WIPF1: variants seen among roughly 807,000 people sequenced by gnomAD.
WIPF1 encodes WAS/WASL interacting protein family member 1.
WIPF1 carries 13 observed loss-of-function variants against 35.4 expected under a neutral mutation model. The ratio of observed to expected loss-of-function variants is 0.37; its 90% CI spans 0.24 to 0.58. The LOEUF is 0.58. Ranked by LOEUF, WIPF1 falls within the 20% of genes least tolerant of loss-of-function variation. WIPF1 has a pLI of 0.74. For missense variants in WIPF1, 591 were observed against 667.0 expected (o/e 0.89, Z 1.25); for synonymous variants, 267 against 266.3 (o/e 1.00, Z -0.02).
intron 1 of WIPF1, among the ~76,000 whole-genome samples, chr2:174,681,272 T>C (rs1310208120): frequency 3.9e-5 from 6 of 152,130 alleles, no homozygotes; most frequent in Non-Finnish European, 7.4e-5. Context: ...CTCTCACAGG[T>C]GGCTGGGATT....
intron 1 of WIPF1, among the ~76,000 whole-genome samples, chr2:174,672,982 G>C (rs1688052464): frequency 6.6e-6 from 1 of 152,192 alleles, no homozygotes; most frequent in African/African-American, 2.4e-5. Flanking sequence ...CTATCTGTCA[G>C]GATTGATGGA....
At chr2:174,613,455 TAGA>T (rs1325818374) in intron 1 of WIPF1, among the ~76,000 whole-genome samples, 2 of 152,248 alleles carry the variant, frequency 1.3e-5, no homozygotes, top group East Asian at 1.9e-4. Context: ...TGTCCTGGGC[TAGA>T]AGGACAACTG....
chr2:174,609,121 A>G (rs1163363927), intron 1 of WIPF1, among the ~76,000 whole-genome samples: 1 of 152,330 alleles, frequency 6.6e-6, no homozygotes, highest in Admixed American at 6.5e-5. Flanking sequence ...TGTGAGTGCC[A>G]TAAGAATGGG....
At chr2:174,647,879 C>A (rs1029357858) in intron 1 of WIPF1, among the ~76,000 whole-genome samples, 3 of 152,128 alleles carry the variant, frequency 2.0e-5, no homozygotes, top group Non-Finnish European at 4.4e-5. Context: ...TTTAGAAGAA[C>A]CTAGATTAAA....
chr2:174,595,142 T>C (rs1264028176), intron 1 of WIPF1, among the ~76,000 whole-genome samples: 2 of 100,180 alleles, frequency 2.0e-5, no homozygotes, highest in African/African-American at 8.4e-5. Context: ...ATATATATAA[T>C]TAACTGGGCA....
Position 174,590,758 on chromosome 2 carries a change from T to C in WIPF1, c.-38-5147A>G, listed in dbSNP as rs1382173243. Among the ~76,000 whole-genome samples the C allele has an allele frequency of 1.3e-5, 2 of 152,204 alleles. No homozygotes were observed. The highest frequency in any genetic ancestry group is 4.8e-5 in the African/African-American group (2 of 41,450). On this transcript the variant is annotated intron_variant, in intron 1 of 7. Transcript: ENST00000679041. This position sits in a 1 kb window ranked among gnomAD's most constrained non-coding sequence, Gnocchi z 4.6. ...CACCCCAACCCAAGCAATGAACTTT[T>C]AAGAAGTCACACTTTTCAGAATTAA...
chr2:174,568,103 A>C (rs769870479), intron 5 of WIPF1, 30 bp from the exon 6 acceptor site: 2 of 1,596,216 alleles, frequency 1.3e-6, no homozygotes, highest in Non-Finnish European at 1.7e-6. Flanking sequence ...TTAGTGCAGA[A>C]CCTTACATCC....
chr2:174,617,016 C>T (rs962451146), intron 1 of WIPF1, among the ~76,000 whole-genome samples: 1 of 151,816 alleles, frequency 6.6e-6, no homozygotes, highest in African/African-American at 2.4e-5. Flanking sequence ...CAGTGATAAA[C>T]CTTTAATATC....
intron 1 of WIPF1, among the ~76,000 whole-genome samples, chr2:174,667,305 C>A (rs1472421005): frequency 6.6e-6 from 1 of 152,176 alleles, no homozygotes; most frequent in African/African-American, 2.4e-5. Flanking sequence ...TTTCTTTGGC[C>A]TTATAGTTTC....
At chr2:174,600,804 G>A (rs34118383), upstream of WIPF1, among the ~76,000 whole-genome samples, 2 of 149,974 alleles carry the variant, frequency 1.3e-5, no homozygotes, top group African/African-American at 2.5e-5. Flanking sequence ...TAATGCAGGT[G>A]TTTGACTGCT....
intron 1 of WIPF1, among the ~76,000 whole-genome samples, chr2:174,648,806 A>C (rs1279662230): frequency 6.6e-6 from 1 of 152,228 alleles, no homozygotes; most frequent in East Asian, 1.9e-4. Flanking sequence ...CTGATTAAAA[A>C]CAAGGATTTA....
intron 7 of WIPF1, among the ~76,000 whole-genome samples, chr2:174,563,936 C>T (rs1359470637): frequency 2.0e-5 from 3 of 152,170 alleles, no homozygotes; most frequent in African/African-American, 7.2e-5. Flanking sequence ...TTCCTCTCAC[C>T]ATCCCAACCA....
chr2:174,593,698 C>G (rs965832532), intron 1 of WIPF1, among the ~76,000 whole-genome samples: 1 of 152,224 alleles, frequency 6.6e-6, no homozygotes, highest in African/African-American at 2.4e-5. Flanking sequence ...CATCCTGTTT[C>G]TTTAACACAA....
chr2:174,671,402 A>C (rs1688015019), intron 1 of WIPF1, among the ~76,000 whole-genome samples: 1 of 152,200 alleles, frequency 6.6e-6, no homozygotes, highest in African/African-American at 2.4e-5. Flanking sequence ...TGATGATTGC[A>C]TTAACTGCAC....
At chr2:174,608,343 G>A (rs772786507) in intron 1 of WIPF1, among the ~76,000 whole-genome samples, 2 of 152,200 alleles carry the variant, frequency 1.3e-5, no homozygotes, top group African/African-American at 4.8e-5. Context: ...AGGACACAGC[G>A]TGGAAGTTCA....
intron 1 of WIPF1, among the ~76,000 whole-genome samples, chr2:174,663,491 G>A (rs1222250003): frequency 7.9e-6 from 1 of 126,842 alleles, no homozygotes; most frequent in African/African-American, 3.1e-5. Flanking sequence ...GCCGCCCCCT[G>A]CAAGTTTCCT....
chr2:174,664,941 T>A (rs1479118880), intron 1 of WIPF1, among the ~76,000 whole-genome samples: 1 of 152,186 alleles, frequency 6.6e-6, no homozygotes, highest in Non-Finnish European at 1.5e-5. Flanking sequence ...CCTGGATCTT[T>A]CTTATCTAAA....
intron 3 of WIPF1, among the ~76,000 whole-genome samples, chr2:174,576,097 A>AAAC (rs1175521125): frequency 2.0e-5 from 3 of 151,854 alleles, no homozygotes; most frequent in Admixed American, 6.6e-5. Flanking sequence ...CTACGAAAAT[A>AAAC]AACAACAACA....
At chr2:174,650,373 T>C (rs1049981053) in intron 1 of WIPF1, among the ~76,000 whole-genome samples, 1 of 152,248 alleles carries the variant, frequency 6.6e-6, no homozygotes, top group Non-Finnish European at 1.5e-5. Flanking sequence ...GTTTTATAAA[T>C]GATCAGTTCA....
Sources: allele counts gnomAD v4.1 joint callset (sites outside exome capture counted in the v4.1 genomes callset), GRCh38; gene constraint gnomAD v4.1.1; non-coding constraint Gnocchi (gnomAD v3.1); transcripts MANE v1.5; gene names NCBI Gene and HGNC (gene_info 2026-07-23, HGNC 2026-07-21).